ZNF385D: variants seen among roughly 807,000 people sequenced by gnomAD.
The protein encoded by ZNF385D is zinc finger protein 385D, also known as zinc finger protein 659.
A neutral mutation model predicts 35.8 loss-of-function variants in ZNF385D; 15 were observed. The observed-to-expected ratio is 0.42, with a 90% confidence interval of 0.28 to 0.64. The LOEUF (loss-of-function observed/expected upper bound fraction) is 0.64, where lower values mean the gene tolerates loss of function less well. Among genes scored for constraint, ZNF385D ranks in the 30% least tolerant of loss-of-function variants. The pLI, the probability that ZNF385D is intolerant of heterozygous loss-of-function variation, is 0.23. For missense variants in ZNF385D, 474 were observed against 494.6 expected, an observed-to-expected ratio of 0.96 and a Z score of 0.39; for synonymous variants, 212 against 186.8, an observed-to-expected ratio of 1.13 and a Z score of -1.10.
At chr3:21,807,672 A>G (rs2072716251) in intron 3 of ZNF385D, among the ~76,000 whole-genome samples, 1 of 152,198 alleles carries the variant, frequency 6.6e-6, no homozygotes, top group African/African-American at 2.4e-5. Flanking sequence ...AAATGGAATT[A>G]TGGTGAAAAT....
At chr3:22,062,437 G>A (rs1318806221) in intron 3 of ZNF385D, among the ~76,000 whole-genome samples, 3 of 152,122 alleles carry the variant, frequency 2.0e-5, no homozygotes, top group Admixed American at 6.6e-5. Context: ...AAATGAGCAA[G>A]TCTAAGTTCA....
intron 3 of ZNF385D, among the ~76,000 whole-genome samples, chr3:21,892,564 TGAA>T (rs1698924440): frequency 6.6e-6 from 1 of 152,154 alleles, no homozygotes. Context: ...AAAATACACT[TGAA>T]GAAATATCAG....
At chr3:21,809,369 T>C (rs908328351) in intron 3 of ZNF385D, among the ~76,000 whole-genome samples, 5 of 140,852 alleles carry the variant, frequency 3.5e-5, no homozygotes, top group African/African-American at 1.0e-4. Context: ...AAATTATGTT[T>C]GATAACTGAA....
chr3:21,815,031 A>T (rs2073086920), intron 3 of ZNF385D, among the ~76,000 whole-genome samples: 1 of 152,208 alleles, frequency 6.6e-6, no homozygotes, highest in Non-Finnish European at 1.5e-5. Context: ...TAAGAAGCTC[A>T]CTCAAAACTG....
rs146142471 is a variant in ZNF385D at position 21,785,875 on chromosome 3, A to G, written c.326-120847T>C. 1.5e-4 allele frequency among the ~76,000 whole-genome samples: 23 copies of G among 152,268 alleles called. No individual in the cohort carries two copies. The East Asian group carries it at 3.9e-3, about 26-fold the overall frequency. On this transcript the variant is annotated intron_variant, in intron 3 of 5. Coordinates refer to the ZNF385D transcript ENST00000494108. ...CTGAATGTGGCAATTGCTTTTCCCC[A>G]CTGATTAGCCTGCAATCACATAAAC...
intron 3 of ZNF385D, among the ~76,000 whole-genome samples, chr3:22,136,214 T>C: frequency 6.6e-6 from 1 of 152,108 alleles, no homozygotes; most frequent in East Asian, 1.9e-4. Context: ...TGAAACCTCA[T>C]CTCTACTAAA....
At chr3:21,991,198 T>G (rs1019706120) in intron 3 of ZNF385D, among the ~76,000 whole-genome samples, 3 of 152,210 alleles carry the variant, frequency 2.0e-5, no homozygotes, top group African/African-American at 7.2e-5. Context: ...AATTAAAATG[T>G]TGCAAGACAC....
At chr3:21,689,861 G>A (rs1349689789) in intron 1 of ZNF385D, among the ~76,000 whole-genome samples, 2 of 141,006 alleles carry the variant, frequency 1.4e-5, no homozygotes, top group South Asian at 2.3e-4. Context: ...AATTGAGAAC[G>A]TCTTCCAAGA....
intron 2 of ZNF385D, among the ~76,000 whole-genome samples, chr3:22,303,911 G>A (rs1245516220): frequency 6.6e-6 from 1 of 152,060 alleles, no homozygotes; most frequent in African/African-American, 2.4e-5. Flanking sequence ...CCAAGCAGTT[G>A]GGATTATAGG....
At chr3:21,460,309 A>G (rs1192543902) in intron 4 of ZNF385D, among the ~76,000 whole-genome samples, 1 of 152,218 alleles carries the variant, frequency 6.6e-6, no homozygotes, top group Non-Finnish European at 1.5e-5. Flanking sequence ...CTTAAAATTC[A>G]GATTCCCTAA....
At position 21,982,323 on chromosome 3, in the gene ZNF385D, G is replaced by A. The variant is rs189750415; in HGVS notation, c.325+186494C>T. ...TTAGCTGTATTTCTAGGTTTTCTAGGTATTTTATTCTTTTATGGCAATTGT... is the reference window on the plus strand; with the variant it reads ...TTAGCTGTATTTCTAGGTTTTCTAGATATTTTATTCTTTTATGGCAATTGT... On this transcript the variant is annotated intron_variant, in intron 3 of 5. Coordinates refer to the ZNF385D transcript ENST00000494108. Among the ~76,000 whole-genome samples, 65 of 152,060 alleles carry A rather than the reference G, an allele frequency of 4.3e-4. No homozygotes were observed. In the East Asian group the frequency reaches 0.012, roughly 28 times the overall value.
At chr3:22,155,369 T>C (rs1705518927) in intron 3 of ZNF385D, among the ~76,000 whole-genome samples, 1 of 152,080 alleles carries the variant, frequency 6.6e-6, no homozygotes, top group African/African-American at 2.4e-5. Flanking sequence ...TTAGTGAGAA[T>C]ATTATATACT....
At chr3:21,586,302 C>T (rs1224889743) in intron 2 of ZNF385D, among the ~76,000 whole-genome samples, 1 of 152,074 alleles carries the variant, frequency 6.6e-6, no homozygotes, top group Non-Finnish European at 1.5e-5. Flanking sequence ...CTGTTTTTAT[C>T]TTGAAAAAGA....
At chr3:21,491,221 T>G (rs887991824) in intron 4 of ZNF385D, among the ~76,000 whole-genome samples, 2 of 149,042 alleles carry the variant, frequency 1.3e-5, no homozygotes, top group Non-Finnish European at 3.0e-5. Context: ...AGGGGTTTTT[T>G]TTTTGGGAAA....
intron 3 of ZNF385D, among the ~76,000 whole-genome samples, chr3:21,756,952 T>A (rs1394281314): frequency 6.6e-6 from 1 of 152,140 alleles, no homozygotes; most frequent in Non-Finnish European, 1.5e-5. Context: ...TATGACCAAA[T>A]TCTTACTTGA....
At chr3:21,800,849 G>C (rs916024483) in intron 3 of ZNF385D, among the ~76,000 whole-genome samples, 3 of 150,322 alleles carry the variant, frequency 2.0e-5, no homozygotes, top group African/African-American at 4.9e-5. Flanking sequence ...TTTTCAATTT[G>C]TATACTTTTG....
intron 3 of ZNF385D, among the ~76,000 whole-genome samples, chr3:22,087,093 A>G (rs1701085117): frequency 6.6e-6 from 1 of 152,062 alleles, no homozygotes; most frequent in African/African-American, 2.4e-5. Context: ...GAAAAAAAGA[A>G]TTTTCTGATC....
At position 21,775,948 on chromosome 3, in the gene ZNF385D, C is replaced by T. The variant is rs575645203; in HGVS notation, c.326-110920G>A. 3.0e-4 allele frequency among the ~76,000 whole-genome samples: 45 copies of T among 151,716 alleles called. No homozygotes were observed. The Middle Eastern group carries it at 0.014, about 46-fold the overall frequency. On this transcript the variant is annotated intron_variant, in intron 3 of 5. Transcript: ENST00000494108. Reference sequence around the variant, plus strand: ...GTACTCATAATTCCTTACACAAATACTGCTAATAGTATTTTCTTTCAGATA... The same window carrying T: ...GTACTCATAATTCCTTACACAAATATTGCTAATAGTATTTTCTTTCAGATA...
intron 3 of ZNF385D, among the ~76,000 whole-genome samples, chr3:21,850,636 C>G (rs1696324660): frequency 6.6e-6 from 1 of 152,056 alleles, no homozygotes; most frequent in African/African-American, 2.4e-5. Flanking sequence ...GGACAAGTAT[C>G]CGGGAGCTAA....
Sources: allele counts gnomAD v4.1 joint callset (sites outside exome capture counted in the v4.1 genomes callset), GRCh38; gene constraint gnomAD v4.1.1; transcripts MANE v1.5; gene names NCBI Gene and HGNC (gene_info 2026-07-23, HGNC 2026-07-21).